Variants in DYDC1 observed in about 807,000 individuals in gnomAD.
The protein encoded by DYDC1 is DPY30 domain-containing protein 1.
DYDC1 carries 21 observed loss-of-function variants against 27.9 expected under a neutral mutation model. That is an observed-to-expected ratio of 0.75 (90% confidence interval 0.53 to 1.08). The LOEUF (loss-of-function observed/expected upper bound fraction) is 1.08. DYDC1 is among the 50% of genes least tolerant of loss of function. DYDC1 has a pLI of 0.00. For missense variants in DYDC1, 202 were observed against 205.9 expected (o/e 0.98, Z 0.12); for synonymous variants, 67 against 65.8 (o/e 1.02, Z -0.09).
chr10:80,341,807 C>G (rs1039014108), intron 4 of DYDC1, among the ~76,000 whole-genome samples: 70 of 152,184 alleles, frequency 4.6e-4, no homozygotes, highest in African/African-American at 1.7e-3. Flanking sequence ...GGTGGATCAC[C>G]TGAGGTCAGG....
intron 4 of DYDC1, among the ~76,000 whole-genome samples, chr10:80,339,531 C>T (rs929204407): frequency 6.6e-6 from 1 of 152,096 alleles, no homozygotes; most frequent in Non-Finnish European, 1.5e-5. Context: ...TTTGCACATA[C>T]CGAGAAAGAA....
chr10:80,352,624 G>T lies in DYDC1; in HGVS notation c.-9-14C>A. 1.3e-6 allele frequency: 2 copies of T among 1,591,818 alleles called. No homozygotes were observed. Among genetic ancestry groups the T allele is most frequent in the Non-Finnish European group, 1.7e-6 (2 of 1,173,096 alleles). The stretch of plus-strand genomic sequence containing the variant: ...CATTTCTAACTCCTAAAAAGTAAGT[G>T]TTTTTGCATTACTGCAGGATATTTT... On this transcript the variant is annotated splice_polypyrimidine_tract_variant and intron_variant, in intron 1 of 6. Coordinates refer to ENST00000372202, the MANE Select transcript of DYDC1 (RefSeq NM_001269053.2).
At chr10:80,346,444 C>CTTTTTTTTTTTT (rs1032729095) in intron 3 of DYDC1, among the ~76,000 whole-genome samples, 1,117 of 83,398 alleles carry the variant, frequency 0.013, 123 homozygotes, top group African/African-American at 0.025. Context: ...TCTTCCCTTT[C>CTTTTTTTTTTTT]TTTTTTTTTT....
chr10:80,348,193 C>A (rs115601250), intron 3 of DYDC1, among the ~76,000 whole-genome samples: 21 of 152,068 alleles, frequency 1.4e-4, no homozygotes, highest in Non-Finnish European at 8.8e-5. Context: ...TTTATTCCTA[C>A]GTATATTATT....
At chr10:80,356,013 A>G (rs1843346917) in intron 1 of DYDC1, among the ~76,000 whole-genome samples, 1 of 150,502 alleles carries the variant, frequency 6.6e-6, no homozygotes. Context: ...AAAGGTGCAC[A>G]GACTCCTGTT....
chr10:80,336,591 C>A lies in DYDC1; in HGVS notation c.505-406G>T, dbSNP rs187484754. ...CTGAATTTATATCTCCGGCCTGGGC[C>A]CCTTCCTAACATCAACTGTTCTTGG... On this transcript the variant is annotated intron_variant, in intron 6 of 6. Coordinates refer to ENST00000372202, the MANE Select transcript of DYDC1 (RefSeq NM_001269053.2). Among the ~76,000 whole-genome samples, 3 of 152,324 alleles carry A rather than the reference C, an allele frequency of 2.0e-5. No individual in the cohort carries two copies. The East Asian group carries it at 5.8e-4, about 29-fold the overall frequency.
chr10:80,346,444 CTTTTTTTTTTTTTTTTTTTTT>C (rs1032729095), intron 3 of DYDC1, among the ~76,000 whole-genome samples: 1 of 83,360 alleles, frequency 1.2e-5, no homozygotes, highest in African/African-American at 5.0e-5. Flanking sequence ...TCTTCCCTTT[CTTTTTTTTTTTTTTTTTTTTT>C]TTTTTTCTTT....
chr10:80,342,608 CA>C (rs1318950213), intron 3 of DYDC1, among the ~76,000 whole-genome samples: 1 of 152,160 alleles, frequency 6.6e-6, no homozygotes, highest in Non-Finnish European at 1.5e-5. Context: ...AATGAGATTG[CA>C]ACAATTTTCC....
At chr10:80,347,639 A>C (rs1368854313) in intron 3 of DYDC1, among the ~76,000 whole-genome samples, 1 of 152,208 alleles carries the variant, frequency 6.6e-6, no homozygotes, top group Non-Finnish European at 1.5e-5. Context: ...GTATGGTGGA[A>C]GACAAGGATC....
chr10:80,352,245 A>T (rs1244053092), intron 2 of DYDC1, among the ~76,000 whole-genome samples: 2 of 152,222 alleles, frequency 1.3e-5, no homozygotes, highest in African/African-American at 4.8e-5. Context: ...TATAGAAAAA[A>T]GACTTCCCAT....
chr10:80,337,299 C>T, intron 6 of DYDC1: 1 of 985,466 alleles, frequency 1.0e-6, no homozygotes. Flanking sequence ...TGTTCATTGG[C>T]ATTTTCTAGC....
chr10:80,340,868 G>A (rs1354826624), intron 4 of DYDC1, among the ~76,000 whole-genome samples: 1 of 152,094 alleles, frequency 6.6e-6, no homozygotes, highest in African/African-American at 2.4e-5. Flanking sequence ...GTGTATGTGT[G>A]CATACAGGCA....
chr10:80,336,347 T>C (rs1589494828), intron 6 of DYDC1, 162 bp from the exon 7 acceptor site: 4 of 981,392 alleles, frequency 4.1e-6, no homozygotes, highest in Non-Finnish European at 3.6e-6. Flanking sequence ...AATATAACCA[T>C]AAATTATGTT....
chr10:80,355,411 T>C (rs1269803509), intron 1 of DYDC1, among the ~76,000 whole-genome samples: 1 of 152,042 alleles, frequency 6.6e-6, no homozygotes, highest in Admixed American at 6.5e-5. Flanking sequence ...ATAACTCCTA[T>C]GGAGGAGAAT....
intron 4 of DYDC1, among the ~76,000 whole-genome samples, chr10:80,341,865 A>T (rs1589500181): frequency 1.3e-5 from 2 of 152,250 alleles, no homozygotes; most frequent in East Asian, 3.9e-4. Context: ...TCTCTACCAA[A>T]AATACAAAAT....
chr10:80,352,854 A>C (rs1843086998), intron 1 of DYDC1: 1 of 346,938 alleles, frequency 2.9e-6, no homozygotes, highest in African/African-American at 2.1e-5. Flanking sequence ...TCCAAGAGTC[A>C]GAAAAGAGAT....
At position 80,356,731 on chromosome 10, in the gene DYDC1, C is replaced by T. The variant is rs1025625784; in HGVS notation, c.-29G>A. The T allele has an allele frequency of 8.1e-6, 8 of 985,198 alleles. No individual in the cohort carries two copies. In the East Asian group the frequency reaches 3.4e-4, roughly 42 times the overall value. 61.0% of individuals were successfully genotyped at this position (985,198 alleles called of 1,614,324 possible). On this transcript the variant is annotated 5_prime_UTR_variant, in exon 1 of 7. Coordinates refer to ENST00000372202, the MANE Select transcript of DYDC1 (RefSeq NM_001269053.2). ...GCTCACCCCTACACACGCGCCTGCT[C>T]GCCACCCAGGAGCGGCGTCCCGTTG...
chr10:80,337,404 AAAC>A (rs779890174), intron 6 of DYDC1: 20 of 985,316 alleles, frequency 2.0e-5, no homozygotes, highest in Non-Finnish European at 2.4e-5. Context: ...CAGCTCTTGA[AAAC>A]AACATTTACT....
intron 3 of DYDC1, among the ~76,000 whole-genome samples, chr10:80,343,202 T>C (rs1842407246): frequency 1.3e-5 from 2 of 152,136 alleles, no homozygotes; most frequent in South Asian, 2.1e-4. Flanking sequence ...GAAATAATAT[T>C]TCATGACATA....
Sources: gnomAD v4.1 joint callset for allele counts (sites outside exome capture counted in the v4.1 genomes callset) on GRCh38, gnomAD v4.1.1 for gene constraint, MANE v1.5 for transcripts, NCBI Gene and HGNC (gene_info 2026-07-23, HGNC 2026-07-21) for gene names.